The following TMEM248 variants were observed in gnomAD, a reference collection of about 807,000 sequenced individuals.
TMEM248 encodes UPF0458 protein C7orf42.
TMEM248 carries 9 observed loss-of-function variants against 30.3 expected under a neutral mutation model. That is an observed-to-expected ratio of 0.30 (90% CI 0.18 to 0.52). The LOEUF (loss-of-function observed/expected upper bound fraction) is 0.52. Among genes scored for constraint, TMEM248 ranks in the 20% least tolerant of loss-of-function variants. The probability of loss-of-function intolerance (pLI) is 0.97; values close to 1 mark genes in which losing one functional copy is unlikely to be tolerated. For synonymous variants in TMEM248, 184 were observed against 154.4 expected (o/e 1.19, Z -1.42); for missense variants, 338 against 403.3 (o/e 0.84, Z 1.39).
At chr7:66,953,184 T>G (rs953725918) in intron 5 of TMEM248, 42 bp from the exon 6 acceptor site, 21 of 1,606,688 alleles carry the variant, frequency 1.3e-5, no homozygotes, top group Non-Finnish European at 1.7e-5. Flanking sequence ...TTTCAGTCAC[T>G]CAGAGCAGAT....
At chr7:66,928,615 A>C (rs1397274649) in intron 1 of TMEM248, among the ~76,000 whole-genome samples, 1 of 152,192 alleles carries the variant, frequency 6.6e-6, no homozygotes, top group Non-Finnish European at 1.5e-5. Flanking sequence ...GTAGCTGTTA[A>C]GAATGCTCTC....
At chr7:66,941,790 A>C in intron 1 of TMEM248, 58 bp from the exon 2 acceptor site, 1 of 1,484,680 alleles carries the variant, frequency 6.7e-7, no homozygotes. Context: ...GAAACAAAAG[A>C]ATCATAGCTT....
At chr7:66,944,877 T>A in intron 2 of TMEM248, 99 bp from the exon 3 acceptor site, 1 of 1,278,730 alleles carries the variant, frequency 7.8e-7, no homozygotes, top group Non-Finnish European at 1.1e-6. Flanking sequence ...TGTAGTTTGC[T>A]GATGTGCTGC....
chr7:66,934,688 T>A (rs1169825677), intron 1 of TMEM248, among the ~76,000 whole-genome samples: 1 of 152,212 alleles, frequency 6.6e-6, no homozygotes, highest in African/African-American at 2.4e-5. Flanking sequence ...CAGATTTTTC[T>A]ACTGTTTTCC....
At chr7:66,924,523 G>T (rs2129219806) in intron 1 of TMEM248, among the ~76,000 whole-genome samples, 1 of 152,302 alleles carries the variant, frequency 6.6e-6, no homozygotes, top group Non-Finnish European at 1.5e-5. Context: ...TCCTGCCTCA[G>T]CCTCTTGAGT....
At chr7:66,929,899 G>A (rs537400214) in intron 1 of TMEM248, among the ~76,000 whole-genome samples, 2 of 152,194 alleles carry the variant, frequency 1.3e-5, no homozygotes, top group South Asian at 2.1e-4. Context: ...AGTGGCTCAC[G>A]TCTGTAATCC....
At chr7:66,936,935 T>A (rs1346210082) in intron 1 of TMEM248, among the ~76,000 whole-genome samples, 1 of 152,194 alleles carries the variant, frequency 6.6e-6, no homozygotes, top group Non-Finnish European at 1.5e-5. Context: ...ATTTCTGCTC[T>A]GATCTTTATT....
intron 1 of TMEM248, chr7:66,921,992 G>C (rs537524007): frequency 6.6e-6 from 1 of 152,368 alleles, no homozygotes; most frequent in East Asian, 1.9e-4. Context: ...AGGTAATCTA[G>C]AGGCATGTAG....
intron 6 of TMEM248, among the ~76,000 whole-genome samples, chr7:66,954,510 C>T (rs1211579212): frequency 6.6e-6 from 1 of 151,026 alleles, no homozygotes; most frequent in East Asian, 1.9e-4. Context: ...CTCAAGCGAT[C>T]GTCAACCTCC....
At chr7:66,955,337 G>A (rs1313456556) in intron 6 of TMEM248, among the ~76,000 whole-genome samples, 165 bp from the exon 7 acceptor site, 1 of 152,220 alleles carries the variant, frequency 6.6e-6, no homozygotes, top group Admixed American at 6.5e-5. Flanking sequence ...GAGACTTTGA[G>A]ATTTCTAGTA....
chr7:66,921,329 G>A lies in TMEM248; in HGVS notation c.-151G>A, dbSNP rs1366341835. ...CGCGGAGCCAGACGCTGCCCCCGGC[G>A]CGGGGAGAAGATGGTGCCTAGCGGC... On this transcript the variant is annotated 5_prime_UTR_variant, in exon 1 of 7. Transcript: ENST00000341567. 2 of 150,908 alleles carry A rather than the reference G, an allele frequency of 1.3e-5. No individual in the cohort carries two copies. Among genetic ancestry groups the A allele is most frequent in the African/African-American group, 4.8e-5 (2 of 41,262 alleles). 9.3% of individuals were successfully genotyped at this position (150,908 alleles called of 1,614,324 possible).
At chr7:66,929,086 C>A (rs1791599211) in intron 1 of TMEM248, among the ~76,000 whole-genome samples, 1 of 152,168 alleles carries the variant, frequency 6.6e-6, no homozygotes, top group Non-Finnish European at 1.5e-5. Flanking sequence ...TTGTGCCCTG[C>A]CAGATTGACT....
Position 66,954,391 on chromosome 7 carries a change from T to A in TMEM248, c.924+1022T>A, listed in dbSNP as rs553332768. On this transcript the variant is annotated intron_variant, in intron 6 of 6. Transcript: ENST00000341567. ...GTATTTTTGCTTTTTTAATTTTTTT[T>A]TTTTTTTTTTTTGAGACAGGGTCTC... 2.7e-4 allele frequency among the ~76,000 whole-genome samples: 40 copies of A among 148,682 alleles called. 1 individual carries two copies. The highest frequency in any genetic ancestry group is 9.1e-4 in the African/African-American group (37 of 40,478).
chr7:66,958,289 G>A lies in TMEM248; in HGVS notation c.*2767G>A, dbSNP rs1792448116. 2 of 152,604 alleles carry A rather than the reference G, an allele frequency of 1.3e-5. No homozygotes were observed. The highest frequency in any genetic ancestry group is 1.3e-4 in the Admixed American group (2 of 15,260). 9.5% of individuals were successfully genotyped at this position (152,604 alleles called of 1,614,324 possible). A position where few individuals can be genotyped will look rare whatever the true frequency, so the allele number is the denominator to read the frequency against. ...TCCTTTCACTGTATGACTTGAATCA[G>A]TTTTGATTCTATTTGTAAGTGTTTC... On this transcript the variant is annotated 3_prime_UTR_variant, in exon 7 of 7. Transcript: ENST00000341567.
At chr7:66,945,974 C>T (rs1295140725) in intron 3 of TMEM248, among the ~76,000 whole-genome samples, 2 of 151,998 alleles carry the variant, frequency 1.3e-5, no homozygotes, top group Non-Finnish European at 2.9e-5. Context: ...GTCCCAGCTA[C>T]TCGGGTGGCT....
chr7:66,930,162 A>G (rs116092755), intron 1 of TMEM248, among the ~76,000 whole-genome samples: 1,903 of 152,322 alleles, frequency 0.012, 38 homozygotes, highest in African/African-American at 0.042. Flanking sequence ...TCTCAAAAAA[A>G]AGAATGACTG....
intron 1 of TMEM248, among the ~76,000 whole-genome samples, chr7:66,941,599 ATATTT>A (rs1407455819): frequency 1.4e-5 from 2 of 142,620 alleles, no homozygotes; most frequent in Non-Finnish European, 3.0e-5. Flanking sequence ...CACACACACA[ATATTT>A]AGAAGATTCA....
At chr7:66,945,664 A>G (rs905334531) in intron 3 of TMEM248, among the ~76,000 whole-genome samples, 1 of 152,224 alleles carries the variant, frequency 6.6e-6, no homozygotes, top group African/African-American at 2.4e-5. Flanking sequence ...GAAAATGACT[A>G]AGATGGCTGG....
In TMEM248 at chr7:66,931,373, T is replaced by C. The variant is rs1457349829; in HGVS notation, c.-19+9912T>C. 3.3e-5 allele frequency among the ~76,000 whole-genome samples: 5 copies of C among 150,724 alleles called. No individual in the cohort carries two copies. The East Asian group carries it at 7.8e-4, about 24-fold the overall frequency. On this transcript the variant is annotated intron_variant, in intron 1 of 6. Coordinates refer to ENST00000341567, the MANE Select transcript of TMEM248 (RefSeq NM_017994.5). ...AGTTTAAAACTTGGACAAGTAGCCATGTGTACATATGCGGGCTTTGGAGAG... is the reference window on the plus strand; with the variant it reads ...AGTTTAAAACTTGGACAAGTAGCCACGTGTACATATGCGGGCTTTGGAGAG...
Sources: allele counts gnomAD v4.1 joint callset (sites outside exome capture counted in the v4.1 genomes callset), GRCh38; gene constraint gnomAD v4.1.1; transcripts MANE v1.5; gene names NCBI Gene and HGNC (gene_info 2026-07-23, HGNC 2026-07-21).